Variants in CEP135 observed in about 807,000 individuals in gnomAD.
CEP135 encodes centrosomal protein 135.
Under a neutral mutation model 157.3 loss-of-function variants are expected in CEP135, and 142 were observed. The ratio of observed to expected loss-of-function variants is 0.90; its 90% CI spans 0.79 to 1.04. The LOEUF (loss-of-function observed/expected upper bound fraction) is 1.04, where lower values mean the gene tolerates loss of function less well. Among genes scored for constraint, CEP135 ranks in the 50% least tolerant of loss-of-function variants. The pLI is 0.00. For synonymous variants in CEP135, 396 were observed against 439.8 expected (o/e 0.90, Z 1.25); for missense variants, 1,317 against 1,309.2 (o/e 1.01, Z -0.09).
chr4:55,974,176 C>G (rs868165873), intron 10 of CEP135, among the ~76,000 whole-genome samples: 3 of 152,154 alleles, frequency 2.0e-5, no homozygotes, highest in African/African-American at 7.2e-5. Context: ...GAGAATAAAT[C>G]AGAATACATC....
intron 14 of CEP135, among the ~76,000 whole-genome samples, chr4:55,989,754 A>T (rs980822703): frequency 6.6e-6 from 1 of 152,258 alleles, no homozygotes; most frequent in Non-Finnish European, 1.5e-5. Flanking sequence ...TTAAAACAGT[A>T]AAATCATTTT....
intron 7 of CEP135, 85 bp downstream of exon 7, chr4:55,964,487 G>A (rs1728783496): frequency 1.8e-6 from 2 of 1,113,156 alleles, no homozygotes; most frequent in Admixed American, 3.3e-5. Context: ...CTATGGGTTT[G>A]TAAAAGTGGC....
intron 4 of CEP135, among the ~76,000 whole-genome samples, chr4:55,955,852 C>CA (rs1227824063): frequency 6.6e-6 from 1 of 152,102 alleles, no homozygotes; most frequent in African/African-American, 2.4e-5. Flanking sequence ...TTTTGGCAAA[C>CA]AGTGGGATAT....
chr4:55,960,162 C>T (rs1033294760), intron 6 of CEP135: 2 of 245,280 alleles, frequency 8.2e-6, no homozygotes, highest in African/African-American at 4.5e-5. Flanking sequence ...ACCATATTAC[C>T]GTTTTCATCT....
chr4:55,955,485 T>C (rs1022141841), intron 4 of CEP135, among the ~76,000 whole-genome samples: 1 of 151,846 alleles, frequency 6.6e-6, no homozygotes, highest in Non-Finnish European at 1.5e-5. Context: ...CAGTGGAGCG[T>C]GAGATAGTTT....
rs565236783 is a variant in CEP135 at position 56,004,636 on chromosome 4, G to C, written c.2281-3691G>C. On this transcript the variant is annotated intron_variant, in intron 17 of 25. Coordinates refer to ENST00000257287, the MANE Select transcript of CEP135 (RefSeq NM_025009.5). ...AATTATTATACTCTCTTTCTGTATT[G>C]ACCCCTTTATAATTCTATATAGTGA... Among the ~76,000 whole-genome samples, 49 of 152,206 alleles carry C rather than the reference G, an allele frequency of 3.2e-4. No individual in the cohort carries two copies. The South Asian group carries it at 6.6e-3, about 21-fold the overall frequency.
intron 2 of CEP135, among the ~76,000 whole-genome samples, chr4:55,952,778 T>A (rs746021234): frequency 6.6e-6 from 1 of 152,220 alleles, no homozygotes; most frequent in Non-Finnish European, 1.5e-5. Context: ...GTTACTATAC[T>A]GAATACTGTA....
intron 24 of CEP135, among the ~76,000 whole-genome samples, chr4:56,022,853 T>C (rs1302932087): frequency 1.3e-5 from 2 of 152,106 alleles, no homozygotes; most frequent in Non-Finnish European, 2.9e-5. Flanking sequence ...CCCAGCACTT[T>C]GGGAGGCTGA....
At chr4:56,011,311 C>G (rs1577907166) in intron 19 of CEP135, 101 bp from the exon 20 acceptor site, 1 of 789,354 alleles carries the variant, frequency 1.3e-6, no homozygotes, top group East Asian at 2.8e-5. Context: ...TTTTGCCCTA[C>G]TCTATCTTAT....
At chr4:55,987,823 T>G (rs1729639070) in intron 14 of CEP135, among the ~76,000 whole-genome samples, 1 of 152,198 alleles carries the variant, frequency 6.6e-6, no homozygotes, top group Non-Finnish European at 1.5e-5. Flanking sequence ...TGAGAAGATC[T>G]AATATTCAGA....
chr4:55,992,142 A>G, intron 15 of CEP135, 57 bp downstream of exon 15: 1 of 1,529,696 alleles, frequency 6.5e-7, no homozygotes, highest in East Asian at 2.3e-5. Flanking sequence ...GTGGTTATGT[A>G]AAGTTTATAA....
intron 11 of CEP135, among the ~76,000 whole-genome samples, chr4:55,979,129 G>A (rs1426225526): frequency 1.3e-5 from 2 of 152,116 alleles, no homozygotes; most frequent in African/African-American, 4.8e-5. Flanking sequence ...TATAGGCCAG[G>A]TCTCTTTTCA....
chr4:55,957,467 A>G (rs999622679), intron 5 of CEP135, 103 bp downstream of exon 5: 4 of 1,042,106 alleles, frequency 3.8e-6, no homozygotes, highest in South Asian at 3.3e-5. Flanking sequence ...TTGTGTCTCC[A>G]GTGTCTAGCA....
intron 21 of CEP135, among the ~76,000 whole-genome samples, chr4:56,013,039 A>G (rs192377821): frequency 4.9e-4 from 74 of 152,326 alleles, no homozygotes; most frequent in Admixed American, 4.2e-3. Flanking sequence ...CAGTTGCTCC[A>G]TATCCTTGCC....
chr4:56,024,653 T>C (rs755688545), intron 25 of CEP135, 39 bp downstream of exon 25: 8 of 1,361,088 alleles, frequency 5.9e-6, no homozygotes, highest in Non-Finnish European at 8.4e-6. Flanking sequence ...AACTAATCTG[T>C]GGTTGTAAAA....
In CEP135 at chr4:56,024,547, C is replaced by T. The variant is rs776920049; in HGVS notation, c.3367C>T (p.Pro1123Ser). Reference sequence around the variant, plus strand: ...GCGTCGACATGGTCTTGCTACACCACCCCTTAGTTCCACTCTGAGGTCTCC... The same window carrying T: ...GCGTCGACATGGTCTTGCTACACCATCCCTTAGTTCCACTCTGAGGTCTCC... ...EMRRHGLATP[P>S]LSSTLRSPSH... The change falls in exon 25 of 26, where the codon CCC becomes TCC. Residue 1123 changes from proline (P) to serine (S), a missense_variant. Pro to Ser is a moderately conservative substitution (Grantham distance 74). Coordinates refer to ENST00000257287, the MANE Select transcript of CEP135 (RefSeq NM_025009.5). 2 of 1,613,924 alleles carry T rather than the reference C, an allele frequency of 1.2e-6. No individual in the cohort carries two copies. The highest frequency in any genetic ancestry group is 2.2e-5 in the South Asian group (2 of 91,090).
chr4:55,974,884 G>T lies in CEP135; in HGVS notation c.1388G>T (p.Arg463Ile). 1.2e-6 allele frequency: 2 copies of T among 1,613,760 alleles called. No individual in the cohort carries two copies. The highest frequency in any genetic ancestry group is 2.2e-5 in the South Asian group (2 of 91,008). Residue 463 changes from arginine (R) to isoleucine (I), a missense_variant, in exon 11 of 26, where the codon AGA becomes ATA. Physicochemically the swap from Arg to Ile is moderately conservative, Grantham distance 97. Transcript: ENST00000257287. ...GATTATTATAAGAAAGAGCTAGAGA[G>T]ACTCCAACATATAATACAGCGAAGA... ...ERDYYKKELERLQHIIQRRSC... is the reference protein window; with the variant it reads ...ERDYYKKELEILQHIIQRRSC...
At chr4:55,965,519 A>G (rs1466449832) in intron 7 of CEP135, 125 bp from the exon 8 acceptor site, 4 of 666,580 alleles carry the variant, frequency 6.0e-6, no homozygotes, top group Non-Finnish European at 1.0e-5. Flanking sequence ...TTGCAAATAT[A>G]AAATAGCTGT....
chr4:56,007,207 T>C (rs1436283742), intron 17 of CEP135, among the ~76,000 whole-genome samples: 1 of 152,152 alleles, frequency 6.6e-6, no homozygotes, highest in Non-Finnish European at 1.5e-5. Flanking sequence ...CTTGTTTTGG[T>C]TTTCATTGGT....
Sources: allele counts gnomAD v4.1 joint callset (sites outside exome capture counted in the v4.1 genomes callset), GRCh38; gene constraint gnomAD v4.1.1; transcripts MANE v1.5; gene names NCBI Gene and HGNC (gene_info 2026-07-23, HGNC 2026-07-21).